The following IMPA2 variants were observed in gnomAD, a reference collection of about 807,000 sequenced individuals.
IMPA2 encodes inositol monophosphatase 2.
Under a neutral mutation model 35.1 loss-of-function variants are expected in IMPA2, and 32 were observed. The observed-to-expected ratio is 0.91, with a 90% confidence interval of 0.69 to 1.23. IMPA2 has a LOEUF of 1.23. Among genes scored for constraint, IMPA2 ranks in the 50% most tolerant of loss-of-function variants. IMPA2 has a pLI of 0.00. For missense variants in IMPA2, 334 were observed against 387.6 expected (o/e 0.86, Z 1.16); for synonymous variants, 135 against 160.6 (o/e 0.84, Z 1.20).
chr18:11,988,367 AATTT>A (rs1369596889), intron 1 of IMPA2, among the ~76,000 whole-genome samples: 1 of 152,166 alleles, frequency 6.6e-6, no homozygotes, highest in East Asian at 1.9e-4. Flanking sequence ...ATTGATTATA[AATTT>A]ATTCATCCAA....
chr18:12,029,755 T>A (rs1244568535), intron 7 of IMPA2, among the ~76,000 whole-genome samples: 1 of 152,208 alleles, frequency 6.6e-6, no homozygotes, highest in Non-Finnish European at 1.5e-5. Flanking sequence ...ATCACTCTGA[T>A]TTTACCACTA....
intron 1 of IMPA2, chr18:11,994,651 C>T (rs1167644771): frequency 1.3e-5 from 2 of 152,396 alleles, no homozygotes; most frequent in Middle Eastern, 3.4e-3. Context: ...ATTTAGTTAA[C>T]TGTGAGCTCA....
chr18:12,008,338 C>T (rs750306490), intron 2 of IMPA2: 1 of 518,938 alleles, frequency 1.9e-6, no homozygotes, highest in Admixed American at 1.9e-5. Flanking sequence ...TGCAGGTCTC[C>T]TTTTTCTCTA....
In IMPA2 at chr18:12,012,156, A is replaced by G. The variant is rs773694932; in HGVS notation, c.336-14A>G. The G allele has an allele frequency of 2.5e-6, 4 of 1,613,644 alleles. No homozygotes were observed. The highest frequency in any genetic ancestry group is 3.4e-6 in the Non-Finnish European group (4 of 1,179,736). On this transcript the variant is annotated splice_polypyrimidine_tract_variant and intron_variant, in intron 3 of 7. Coordinates refer to ENST00000269159, the MANE Select transcript of IMPA2 (RefSeq NM_014214.3). ...CTTGTTCCAGAGAGTAAACCTTTCTATTTTCCTTTGCAGATTCCCGACTGT... is the reference window on the plus strand; with the variant it reads ...CTTGTTCCAGAGAGTAAACCTTTCTGTTTTCCTTTGCAGATTCCCGACTGT...
Position 12,010,185 on chromosome 18 carries a change from ATGTTAGGAAATCTGCACT to A in IMPA2, c.335+203_335+220del. The A allele has an allele frequency of 2.0e-6, 1 of 501,800 alleles. No individual in the cohort carries two copies. Among genetic ancestry groups the A allele is most frequent in the Non-Finnish European group, 3.5e-6 (1 of 283,880 alleles). The allele number at this position is 501,800 out of a possible 1,614,324, so 31.1% of individuals were successfully genotyped here. A position where few individuals can be genotyped will look rare whatever the true frequency, so the allele number is the denominator to read the frequency against. On this transcript the variant is annotated intron_variant, in intron 3 of 7. Coordinates refer to ENST00000269159, the MANE Select transcript of IMPA2 (RefSeq NM_014214.3). This position sits in a 1 kb window ranked among gnomAD's most constrained non-coding sequence, Gnocchi z 4.8. ...TCCGTTTGTGAGAGGCTCTTGGAGT[ATGTTAGGAAATCTGCACT>A]TGTTTAAAAACCAGTTTGTTATGTT... is the stretch of plus-strand genomic sequence containing the variant.
At chr18:11,982,741 T>C (rs934420270) in intron 1 of IMPA2, among the ~76,000 whole-genome samples, 3 of 148,334 alleles carry the variant, frequency 2.0e-5, no homozygotes, top group African/African-American at 7.5e-5. Context: ...TGCAGTGAGC[T>C]GAGATCGCGC....
At chr18:12,013,355 A>T (rs1003338996) in intron 4 of IMPA2, among the ~76,000 whole-genome samples, 10 of 152,270 alleles carry the variant, frequency 6.6e-5, no homozygotes, top group African/African-American at 2.2e-4. Context: ...AAGGGGAAGG[A>T]TGATGAAATG....
chr18:12,006,543 G>A (rs1907252205), intron 2 of IMPA2, among the ~76,000 whole-genome samples: 1 of 152,230 alleles, frequency 6.6e-6, no homozygotes, highest in Non-Finnish European at 1.5e-5. Context: ...GATTCCTTGG[G>A]TGTCTTGCTT....
chr18:11,989,970 G>A (rs650727), intron 1 of IMPA2, among the ~76,000 whole-genome samples: 57,601 of 152,008 alleles, frequency 0.38, 12,284 homozygotes, highest in East Asian at 0.61. Context: ...GGCATGGGGA[G>A]CTGAGACATT....
chr18:12,011,164 G>T (rs559291009), intron 3 of IMPA2, among the ~76,000 whole-genome samples: 24 of 152,336 alleles, frequency 1.6e-4, no homozygotes, highest in African/African-American at 5.5e-4. Flanking sequence ...ATAGTTTCCA[G>T]TGCTTTCCTG....
chr18:12,029,160 A>G (rs902615402), intron 7 of IMPA2, among the ~76,000 whole-genome samples, 167 bp downstream of exon 7: 1 of 123,900 alleles, frequency 8.1e-6, no homozygotes. Flanking sequence ...GTCACACAGG[A>G]TGGAGTGCAG....
At chr18:11,983,924 G>C (rs1416187355) in intron 1 of IMPA2, among the ~76,000 whole-genome samples, 1 of 152,150 alleles carries the variant, frequency 6.6e-6, no homozygotes. Flanking sequence ...CGTGAGTGGT[G>C]ATCCTTTTGG....
chr18:11,984,794 C>T (rs1197669899), intron 1 of IMPA2, among the ~76,000 whole-genome samples: 1 of 150,628 alleles, frequency 6.6e-6, no homozygotes, highest in Non-Finnish European at 1.5e-5. Context: ...GGTGAAACCT[C>T]GTCTCTACTA....
Position 11,991,355 on chromosome 18 carries a change from G to C in IMPA2, c.97-7699G>C, listed in dbSNP as rs1238915509. Among the ~76,000 whole-genome samples the C allele has an allele frequency of 1.3e-5, 2 of 152,182 alleles. No individual in the cohort carries two copies. The highest frequency in any genetic ancestry group is 2.9e-5 in the Non-Finnish European group (2 of 68,022). ...TTGAGGATTCGAGAGCCTGAGGTGG[G>C]CTGGCCTGGGAGCCACGTCTGCTTG... On this transcript the variant is annotated intron_variant, in intron 1 of 7. Transcript: ENST00000269159. This position sits in a 1 kb window ranked among gnomAD's most constrained non-coding sequence, Gnocchi z 4.1.
At position 12,007,590 on chromosome 18, in the gene IMPA2, TTCTTTCTTTCTTTC is replaced by T. The variant is rs1458842186; in HGVS notation, c.231-2277_231-2264del. Among the ~76,000 whole-genome samples the T allele has an allele frequency of 4.9e-3, 643 of 132,238 alleles. 6 individuals carry two copies. Among genetic ancestry groups the T allele is most frequent in the African/African-American group, 0.017 (602 of 35,078 alleles). The allele number at this position is 132,238 out of a possible 152,430, so 86.8% of individuals were successfully genotyped here. On this transcript the variant is annotated intron_variant, in intron 2 of 7. Transcript: ENST00000269159. ...CTTTCCTTCTTTTCTTTCTTTTCTT[TTCTTTCTTTCTTTC>T]TCTTTCTTTCTTTCTTTTTCTTTCT...
chr18:11,990,639 A>G (rs374303314), intron 1 of IMPA2, among the ~76,000 whole-genome samples: 1 of 152,174 alleles, frequency 6.6e-6, no homozygotes, highest in Admixed American at 6.5e-5. Flanking sequence ...TGAGTCGTAC[A>G]TTGAAGGAGA....
At chr18:12,028,609 C>T (rs1335980277) in intron 6 of IMPA2, 6 of 547,346 alleles carry the variant, frequency 1.1e-5, no homozygotes, top group Non-Finnish European at 1.6e-5. Context: ...CTCAGGTGCT[C>T]AGTAGCTAGG....
intron 5 of IMPA2, among the ~76,000 whole-genome samples, chr18:12,025,209 C>T (rs1031360227): frequency 2.6e-5 from 4 of 152,216 alleles, no homozygotes; most frequent in Admixed American, 2.0e-4. Flanking sequence ...CATGCTTTCT[C>T]ATTTCCTTTA....
At chr18:12,024,810 G>T (rs552995261) in intron 5 of IMPA2, among the ~76,000 whole-genome samples, 1 of 151,838 alleles carries the variant, frequency 6.6e-6, no homozygotes, top group Admixed American at 6.6e-5. Flanking sequence ...TTGAGCAGAA[G>T]GTGCAGAGAG....
Sources: gnomAD v4.1 joint callset for allele counts (sites outside exome capture counted in the v4.1 genomes callset) on GRCh38, gnomAD v4.1.1 for gene constraint, Gnocchi (gnomAD v3.1) non-coding constraint, MANE v1.5 for transcripts, NCBI Gene and HGNC (gene_info 2026-07-23, HGNC 2026-07-21) for gene names.